Variants in RBFOX1 observed in about 807,000 individuals in gnomAD.
The protein encoded by RBFOX1 is RNA binding fox-1 homolog 1.
A neutral mutation model predicts 57.7 loss-of-function variants in RBFOX1; 8 were observed. The observed-to-expected ratio is 0.14, with a 90% confidence interval of 0.08 to 0.25. RBFOX1 has a LOEUF of 0.25. Among genes scored for constraint, RBFOX1 ranks in the 10% least tolerant of loss-of-function variants. RBFOX1 has a pLI of 1.00. For missense variants in RBFOX1, 611 were observed against 548.5 expected (o/e 1.11, Z -1.14); for synonymous variants, 326 against 222.4 (o/e 1.47, Z -4.15).
intron 3 of RBFOX1, among the ~76,000 whole-genome samples, chr16:5,789,922 G>C (rs1380373231): frequency 6.6e-6 from 1 of 152,224 alleles, no homozygotes; most frequent in Non-Finnish European, 1.5e-5. Context: ...TGTATGGGCT[G>C]TGCTAGCTGC....
At chr16:6,928,205 T>C (rs1265024294) in intron 3 of RBFOX1, among the ~76,000 whole-genome samples, 3 of 152,202 alleles carry the variant, frequency 2.0e-5, no homozygotes, top group Admixed American at 6.5e-5. Flanking sequence ...AAGATTGATG[T>C]CTGGGTACTG....
chr16:7,342,831 A>T (rs1360726157), intron 4 of RBFOX1, among the ~76,000 whole-genome samples: 1 of 152,138 alleles, frequency 6.6e-6, no homozygotes, highest in African/African-American at 2.4e-5. Flanking sequence ...TAGCCTGCAT[A>T]GTTGGAATGA....
intron 1 of RBFOX1, among the ~76,000 whole-genome samples, chr16:6,201,630 A>G (rs747292490): frequency 3.3e-5 from 5 of 152,152 alleles, no homozygotes; most frequent in Non-Finnish European, 7.3e-5. Context: ...ATAGTTAACT[A>G]TATTTTAGTG....
chr16:6,394,485 C>A (rs746459489), intron 2 of RBFOX1, among the ~76,000 whole-genome samples: 4 of 146,228 alleles, frequency 2.7e-5, no homozygotes, highest in East Asian at 2.1e-4. Context: ...ATTTACCCCC[C>A]AGAATAGCAG....
At chr16:7,120,830 T>TATACAC (rs1226442313) in intron 4 of RBFOX1, among the ~76,000 whole-genome samples, 914 of 86,564 alleles carry the variant, frequency 0.011, 9 homozygotes, top group African/African-American at 0.028. Flanking sequence ...TATGTATATA[T>TATACAC]ACACACACAC....
At chr16:6,065,550 G>A (rs17139303) in intron 1 of RBFOX1, among the ~76,000 whole-genome samples, 8,165 of 152,180 alleles carry the variant, frequency 0.054, 596 homozygotes, top group African/African-American at 0.17. Context: ...TGACATGCCC[G>A]TAACCTGCTC....
In RBFOX1 at chr16:6,003,247, C is replaced by T. The variant is rs904310791; in HGVS notation, c.351+135912C>T. On this transcript the variant is annotated intron_variant, in intron 4 of 19. Coordinates refer to the RBFOX1 transcript ENST00000641259. ...TGAGCCGAGATCGCGCCACTGCACT[C>T]CAGCCTGGGCGACAGAGAGCAAGAC... Among the ~76,000 whole-genome samples the T allele has an allele frequency of 2.7e-5, 4 of 150,106 alleles. No homozygotes were observed. The East Asian group carries it at 7.9e-4, about 30-fold the overall frequency.
At chr16:7,001,421 TA>T (rs2092791360) in intron 3 of RBFOX1, among the ~76,000 whole-genome samples, 1 of 150,358 alleles carries the variant, frequency 6.7e-6, no homozygotes, top group Non-Finnish European at 1.5e-5. Flanking sequence ...TGTATATGTA[TA>T]TGTATATGTA....
chr16:5,584,909 A>G (rs1046882160), intron 2 of RBFOX1, among the ~76,000 whole-genome samples: 5 of 151,862 alleles, frequency 3.3e-5, no homozygotes, highest in Non-Finnish European at 2.9e-5. Context: ...GTGGTTTTAT[A>G]TATTTATTTT....
chr16:7,056,599 C>T (rs2052364269), intron 4 of RBFOX1, among the ~76,000 whole-genome samples: 2 of 152,188 alleles, frequency 1.3e-5, no homozygotes, highest in South Asian at 4.1e-4. Flanking sequence ...ATCCTGGGGG[C>T]CTGTTGTTTC....
At chr16:5,310,573 G>C (rs1409071278) in intron 1 of RBFOX1, among the ~76,000 whole-genome samples, 1 of 152,112 alleles carries the variant, frequency 6.6e-6, no homozygotes, top group Non-Finnish European at 1.5e-5. Flanking sequence ...ATTTTGGCTG[G>C]GCTAGAGATT....
intron 3 of RBFOX1, among the ~76,000 whole-genome samples, chr16:5,847,636 G>C (rs1484510548): frequency 6.6e-6 from 1 of 152,130 alleles, no homozygotes; most frequent in Non-Finnish European, 1.5e-5. Flanking sequence ...GTTCTTTCTG[G>C]AGACTTTTAG....
chr16:6,583,427 A>G (rs1310920851), intron 2 of RBFOX1, among the ~76,000 whole-genome samples: 4 of 152,236 alleles, frequency 2.6e-5, no homozygotes, highest in African/African-American at 9.6e-5. Flanking sequence ...AACAACTGCA[A>G]TGTTAAGTTT....
intron 1 of RBFOX1, among the ~76,000 whole-genome samples, chr16:5,431,954 G>C (rs1048663696): frequency 6.6e-6 from 1 of 152,150 alleles, no homozygotes; most frequent in Non-Finnish European, 1.5e-5. Flanking sequence ...GAGACTTTTT[G>C]GGGGTGTTGA....
At chr16:6,459,609 G>C (rs1324877627) in intron 2 of RBFOX1, among the ~76,000 whole-genome samples, 2 of 151,880 alleles carry the variant, frequency 1.3e-5, no homozygotes, top group Admixed American at 1.3e-4. Context: ...AGATTAATAA[G>C]GCATCCATAT....
intron 4 of RBFOX1, among the ~76,000 whole-genome samples, chr16:7,319,638 A>G (rs897991394): frequency 1.2e-4 from 18 of 152,238 alleles, no homozygotes; most frequent in Non-Finnish European, 2.4e-4. Flanking sequence ...TCGAGGCGAG[A>G]TTTAGAATGT....
At chr16:7,326,137 A>G (rs557610103) in intron 4 of RBFOX1, among the ~76,000 whole-genome samples, 1 of 152,258 alleles carries the variant, frequency 6.6e-6, no homozygotes, top group South Asian at 2.1e-4. Flanking sequence ...TCATTCTCAA[A>G]TACTTATTGA....
At chr16:7,476,934 G>A (rs991021945) in intron 4 of RBFOX1, among the ~76,000 whole-genome samples, 11 of 152,290 alleles carry the variant, frequency 7.2e-5, no homozygotes, top group South Asian at 2.1e-4. Flanking sequence ...TTACCAAGCT[G>A]CCCTCATCCT....
chr16:6,760,616 C>G (rs947503651), intron 3 of RBFOX1, among the ~76,000 whole-genome samples: 1 of 152,136 alleles, frequency 6.6e-6, no homozygotes, highest in Non-Finnish European at 1.5e-5. Context: ...ACTTGAAGTA[C>G]TAGACTGAAT....
Sources: allele counts gnomAD v4.1 joint callset (sites outside exome capture counted in the v4.1 genomes callset), GRCh38; gene constraint gnomAD v4.1.1; transcripts MANE v1.5; gene names NCBI Gene and HGNC (gene_info 2026-07-23, HGNC 2026-07-21).